Variants in CDK14 observed in about 807,000 individuals in gnomAD.
CDK14 encodes cyclin-dependent kinase 14.
CDK14 carries 34 observed loss-of-function variants against 60.7 expected under a neutral mutation model. That is an observed-to-expected ratio of 0.56 (90% CI 0.43 to 0.75). The LOEUF (loss-of-function observed/expected upper bound fraction) is 0.75. Among genes scored for constraint, CDK14 ranks in the 30% least tolerant of loss-of-function variants. The pLI is 0.00. For missense variants in CDK14, 482 were observed against 564.1 expected, an observed-to-expected ratio of 0.85 and a Z score of 1.47; for synonymous variants, 197 against 203.7, an observed-to-expected ratio of 0.97 and a Z score of 0.28.
At chr7:90,868,302 T>TATAC (rs772124731) in intron 6 of CDK14, among the ~76,000 whole-genome samples, 1 of 149,280 alleles carries the variant, frequency 6.7e-6, no homozygotes, top group Non-Finnish European at 1.5e-5. Context: ...TATATATATA[T>TATAC]ACACACACAC....
intron 3 of CDK14, among the ~76,000 whole-genome samples, chr7:90,731,112 C>G (rs1802846787): frequency 6.6e-6 from 1 of 150,506 alleles, no homozygotes; most frequent in Non-Finnish European, 1.5e-5. Flanking sequence ...AATAGGGAAC[C>G]CTTTTCCTAT....
At chr7:91,204,566 G>A (rs139682736) in intron 14 of CDK14, among the ~76,000 whole-genome samples, 10 of 152,202 alleles carry the variant, frequency 6.6e-5, no homozygotes, top group South Asian at 2.1e-4. Context: ...ACTCAACAAC[G>A]AAAAGACAAC....
intron 2 of CDK14, among the ~76,000 whole-genome samples, chr7:90,722,408 G>A (rs1448548376): frequency 6.6e-6 from 1 of 151,954 alleles, no homozygotes; most frequent in African/African-American, 2.4e-5. Flanking sequence ...GTTTTTCCAC[G>A]TTGCCCAGGT....
intron 6 of CDK14, among the ~76,000 whole-genome samples, chr7:90,864,822 G>T (rs2117226495): frequency 6.6e-6 from 1 of 152,224 alleles, no homozygotes; most frequent in South Asian, 2.1e-4. Context: ...TTTTCTTTGT[G>T]TGAGTAAAAT....
chr7:91,184,077 T>C (rs1802091937), intron 14 of CDK14, among the ~76,000 whole-genome samples: 1 of 151,852 alleles, frequency 6.6e-6, no homozygotes, highest in South Asian at 2.1e-4. Context: ...CATTTTTTAA[T>C]AGACATAATC....
At chr7:91,199,259 T>A (rs1802643979) in intron 14 of CDK14, among the ~76,000 whole-genome samples, 1 of 152,140 alleles carries the variant, frequency 6.6e-6, no homozygotes, top group Admixed American at 6.5e-5. Flanking sequence ...AACCTCCCAG[T>A]TTTTATTTAT....
intron 14 of CDK14, among the ~76,000 whole-genome samples, chr7:91,162,430 G>A (rs186149351): frequency 1.3e-5 from 2 of 152,314 alleles, no homozygotes; most frequent in Admixed American, 1.3e-4. Flanking sequence ...CGCCTGGAGA[G>A]CGGTCAGTTC....
intron 3 of CDK14, among the ~76,000 whole-genome samples, chr7:90,729,856 C>T (rs1053098461): frequency 2.6e-5 from 4 of 151,856 alleles, no homozygotes; most frequent in Non-Finnish European, 4.4e-5. Context: ...GTTTGCTGCC[C>T]TTTTAAAAAA....
chr7:91,102,329 A>G (rs1335286914), intron 12 of CDK14, among the ~76,000 whole-genome samples: 1 of 152,220 alleles, frequency 6.6e-6, no homozygotes, highest in Non-Finnish European at 1.5e-5. Flanking sequence ...GTGTAATAGT[A>G]TCCCGTCACC....
intron 2 of CDK14, among the ~76,000 whole-genome samples, chr7:90,645,938 C>T (rs544252628): frequency 2.5e-4 from 38 of 152,164 alleles, no homozygotes; most frequent in Non-Finnish European, 4.6e-4. Flanking sequence ...GGGAAGTGCT[C>T]ACTTAGTCTC....
intron 2 of CDK14, among the ~76,000 whole-genome samples, chr7:90,719,596 G>A (rs755508835): frequency 2.8e-4 from 42 of 152,122 alleles, no homozygotes; most frequent in Non-Finnish European, 5.1e-4. Context: ...GAGTTTGCCA[G>A]CAAATGAACA....
intron 5 of CDK14, among the ~76,000 whole-genome samples, chr7:90,807,430 A>G (rs1361457357): frequency 3.9e-5 from 6 of 152,222 alleles, no homozygotes; most frequent in Non-Finnish European, 8.8e-5. Flanking sequence ...GAAAACTAAC[A>G]AACAGAAAGG....
chr7:90,781,904 T>C (rs908389997), intron 4 of CDK14, among the ~76,000 whole-genome samples: 10 of 152,144 alleles, frequency 6.6e-5, no homozygotes, highest in South Asian at 2.1e-4. Context: ...ATGCGGGCTC[T>C]TTTTTGGTTC....
chr7:90,888,724 A>G (rs950992520), intron 6 of CDK14, among the ~76,000 whole-genome samples: 3 of 152,170 alleles, frequency 2.0e-5, no homozygotes, highest in African/African-American at 7.2e-5. Flanking sequence ...GGACTCCAGA[A>G]TATTTTGTGT....
At chr7:90,885,481 G>T (rs1344627835) in intron 6 of CDK14, among the ~76,000 whole-genome samples, 2 of 151,534 alleles carry the variant, frequency 1.3e-5, no homozygotes, top group African/African-American at 4.8e-5. Context: ...TGGTGGGATT[G>T]TCAGCCTTTG....
intron 8 of CDK14, among the ~76,000 whole-genome samples, chr7:90,928,296 G>T (rs540585574): frequency 1.6e-4 from 24 of 152,152 alleles, no homozygotes; most frequent in South Asian, 4.1e-4. Flanking sequence ...GAGAAGAGGT[G>T]CTCTGATTTT....
At chr7:90,871,112 T>C (rs908699884) in intron 6 of CDK14, among the ~76,000 whole-genome samples, 13 of 152,172 alleles carry the variant, frequency 8.5e-5, no homozygotes, top group African/African-American at 2.9e-4. Context: ...TTGATATTTT[T>C]ATTAATGACT....
intron 4 of CDK14, among the ~76,000 whole-genome samples, chr7:90,762,134 C>T (rs1056524109): frequency 6.6e-6 from 1 of 152,034 alleles, no homozygotes; most frequent in Non-Finnish European, 1.5e-5. Flanking sequence ...GAGGAGAGGA[C>T]ATTTATGCAT....
intron 11 of CDK14, among the ~76,000 whole-genome samples, chr7:91,068,650 G>A (rs1562890865): frequency 6.6e-6 from 1 of 151,678 alleles, no homozygotes; most frequent in African/African-American, 2.4e-5. Context: ...AGCATTTTCC[G>A]ACTCTGATCT....
Sources: allele counts gnomAD v4.1 joint callset (sites outside exome capture counted in the v4.1 genomes callset), GRCh38; gene constraint gnomAD v4.1.1; transcripts MANE v1.5; gene names NCBI Gene and HGNC (gene_info 2026-07-23, HGNC 2026-07-21).